OR56B4: variants seen among roughly 807,000 people sequenced by gnomAD.
OR56B4 encodes olfactory receptor 56B4.
For missense variants in OR56B4, 447 were observed against 384.6 expected (o/e 1.16, Z -1.36); for synonymous variants, 142 against 149.5 (o/e 0.95, Z 0.37).
rs759127134 is a variant in OR56B4 at position 6,108,454 on chromosome 11, G to A, written c.676G>A (p.Val226Ile). ...GGCTCTGGTATTTTCTTCCTATGCT[G>A]TAATCCTTCACTCTGTGCTGAGGCT... ...DMALVFSSYA[V>I]ILHSVLRLNS... is the part of the protein sequence containing the mutation. Residue 226 changes from valine to isoleucine, a missense_variant, in exon 1 of 1, where the codon GTA becomes ATA. Coordinates refer to ENST00000316529, the MANE Select transcript of OR56B4 (RefSeq NM_001005181.2). 6.2e-6 allele frequency: 10 copies of A among 1,614,124 alleles called. No homozygotes were observed. The South Asian group carries it at 7.7e-5, about 12-fold the overall frequency.
chr11:6,108,277 A>G lies in OR56B4; in HGVS notation c.499A>G (p.Ile167Val), dbSNP rs374580066. 3.1e-5 allele frequency: 50 copies of G among 1,614,042 alleles called. No individual in the cohort carries two copies. Among genetic ancestry groups the G allele is most frequent in the Non-Finnish European group, 3.9e-5 (46 of 1,180,018 alleles). ...TGGCCTGTTGACCATCCCAGTGCCTATACTGGCTGCCCAGAGACACTACTG... is the reference window on the plus strand; with the variant it reads ...TGGCCTGTTGACCATCCCAGTGCCTGTACTGGCTGCCCAGAGACACTACTG... Reference protein sequence around the residue: ...RNGLLTIPVPILAAQRHYCSR... With the variant: ...RNGLLTIPVPVLAAQRHYCSR... The change falls in exon 1 of 1, where the codon ATA becomes GTA. Residue 167 changes from isoleucine to valine, a missense_variant. Physicochemically the swap from Ile to Val is conservative, Grantham distance 29. Transcript: ENST00000316529.
Position 6,108,286 on chromosome 11 carries a change from G to C in OR56B4, c.508G>C (p.Ala170Pro). 6.2e-7 allele frequency: 1 copy of C among 1,614,132 alleles called. No individual in the cohort carries two copies. The highest frequency in any genetic ancestry group is 8.5e-7 in the Non-Finnish European group (1 of 1,179,988). The stretch of plus-strand genomic sequence containing the variant: ...GACCATCCCAGTGCCTATACTGGCT[G>C]CCCAGAGACACTACTGTTCCAGGAA... ...LLTIPVPILA[A>P]QRHYCSRNEI... Residue 170 changes from alanine (A) to proline (P), a missense_variant, in exon 1 of 1, where the codon GCC becomes CCC. Coordinates refer to ENST00000316529, the MANE Select transcript of OR56B4 (RefSeq NM_001005181.2).
In OR56B4 at chr11:6,108,722, AG is replaced by A; in HGVS notation, c.946del (p.Asp316ThrfsTer15). ...TTTCAGAGACTGCTTGGACTGGGTC[AG>A]GACGTGTCCAAGTAACTCCAGCTTT... Reference protein sequence around the residue: ...LGFQRLLGLGQDVSK With the variant: ...LGFQRLLGLGXDVSK On this transcript the variant is annotated frameshift_variant, in exon 1 of 1. Transcript: ENST00000316529. LOFTEE classifies it high-confidence loss of function. The A allele has an allele frequency of 6.2e-7, 1 of 1,613,900 alleles. No homozygotes were observed. Among genetic ancestry groups the A allele is most frequent in the South Asian group, 1.1e-5 (1 of 91,076 alleles).
Position 6,108,439 on chromosome 11 carries a change from T to A in OR56B4, c.661T>A (p.Phe221Ile), listed in dbSNP as rs140579834. ...VLVGSDMALV[F>I]SSYAVILHSV... The stretch of plus-strand genomic sequence containing the variant: ...GGTTGGGAGTGATATGGCTCTGGTA[T>A]TTTCTTCCTATGCTGTAATCCTTCA... The change falls in exon 1 of 1, where the codon TTT becomes ATT. Residue 221 changes from phenylalanine to isoleucine, a missense_variant. Coordinates refer to ENST00000316529, the MANE Select transcript of OR56B4 (RefSeq NM_001005181.2). 1.2e-4 allele frequency: 195 copies of A among 1,613,982 alleles called. 1 individual carries two copies. The highest frequency in any genetic ancestry group is 1.6e-4 in the Non-Finnish European group (189 of 1,180,022).
In OR56B4 at chr11:6,108,211, G is replaced by A; in HGVS notation, c.433G>A (p.Ala145Thr). ...TCAGTACCCCTCCATAGTCACTAAAGCTTTTGTCTTCAAAGCCACAGGGTT... is the reference window on the plus strand; with the variant it reads ...TCAGTACCCCTCCATAGTCACTAAAACTTTTGTCTTCAAAGCCACAGGGTT... ...PLQYPSIVTK[A>T]FVFKATGFIM... Residue 145 changes from alanine to threonine, a missense_variant, in exon 1 of 1, where the codon GCT becomes ACT. Physicochemically the swap from Ala to Thr is moderately conservative, Grantham distance 58. Transcript: ENST00000316529. 1 of 1,614,154 alleles carries A rather than the reference G, an allele frequency of 6.2e-7. No individual in the cohort carries two copies. Among genetic ancestry groups the A allele is most frequent in the Non-Finnish European group, 8.5e-7 (1 of 1,180,034 alleles).
chr11:6,108,194 C>A lies in OR56B4; in HGVS notation c.416C>A (p.Pro139His). The A allele has an allele frequency of 6.2e-7, 1 of 1,614,078 alleles. No individual in the cohort carries two copies. Among genetic ancestry groups the A allele is most frequent in the South Asian group, 1.1e-5 (1 of 91,076 alleles). ...GCCATCTGTCGCCCTCTTCAGTACC[C>A]CTCCATAGTCACTAAAGCTTTTGTC... is the stretch of plus-strand genomic sequence containing the variant. ...YIAICRPLQY[P>H]SIVTKAFVFK... The change falls in exon 1 of 1, where the codon CCC becomes CAC. Residue 139 changes from proline (P) to histidine (H), a missense_variant. Coordinates refer to ENST00000316529, the MANE Select transcript of OR56B4 (RefSeq NM_001005181.2).
In OR56B4 at chr11:6,108,795, A is replaced by G. The variant is rs763253085; in HGVS notation, c.*57A>G. On this transcript the variant is annotated 3_prime_UTR_variant, in exon 1 of 1. Transcript: ENST00000316529. Reference sequence around the variant, plus strand: ...GAAATGACAGAGGTTTTAGTTCTCAATAGATCAGGGTTATAATCTGCACTT... The same window carrying G: ...GAAATGACAGAGGTTTTAGTTCTCAGTAGATCAGGGTTATAATCTGCACTT... The G allele has an allele frequency of 2.6e-5, 40 of 1,554,888 alleles. No homozygotes were observed. The highest frequency in any genetic ancestry group is 1.0e-4 in the South Asian group (9 of 86,258).
Position 6,108,544 on chromosome 11 carries a change from T to G in OR56B4, c.766T>G (p.Phe256Val). 6.2e-7 allele frequency: 1 copy of G among 1,614,182 alleles called. No homozygotes were observed. The highest frequency in any genetic ancestry group is 8.5e-7 in the Non-Finnish European group (1 of 1,179,998). Residue 256 changes from phenylalanine (F) to valine (V), a missense_variant, in exon 1 of 1, where the codon TTC (phenylalanine) becomes GTC (valine). Physicochemically the swap from Phe to Val is conservative, Grantham distance 50. Coordinates refer to ENST00000316529, the MANE Select transcript of OR56B4 (RefSeq NM_001005181.2). The part of the protein sequence containing the change: ...TCSSHLILIL[F>V]HTGIIVLSVT... ...TAGCTCCCACCTCATCCTCATCCTCTTCCACACAGGTATCATTGTGCTGTC... is the reference window on the plus strand; with the variant it reads ...TAGCTCCCACCTCATCCTCATCCTCGTCCACACAGGTATCATTGTGCTGTC...
Position 6,108,212 on chromosome 11 carries a change from C to A in OR56B4, c.434C>A (p.Ala145Asp), listed in dbSNP as rs1209804927. The change falls in exon 1 of 1, where the codon GCT becomes GAT. Residue 145 changes from alanine (A) to aspartate (D), a missense_variant. By Grantham distance (126) the Ala-to-Asp change is moderately radical. Transcript: ENST00000316529. Reference sequence around the variant, plus strand: ...CAGTACCCCTCCATAGTCACTAAAGCTTTTGTCTTCAAAGCCACAGGGTTC... The same window carrying A: ...CAGTACCCCTCCATAGTCACTAAAGATTTTGTCTTCAAAGCCACAGGGTTC... ...PLQYPSIVTK[A>D]FVFKATGFIM... 1.2e-6 allele frequency: 2 copies of A among 1,614,162 alleles called. No individual in the cohort carries two copies. The highest frequency in any genetic ancestry group is 1.7e-5 in the Admixed American group (1 of 60,024).
chr11:6,108,413 T>A lies in OR56B4; in HGVS notation c.635T>A (p.Leu212Ter). The A allele has an allele frequency of 6.2e-7, 1 of 1,614,126 alleles. No individual in the cohort carries two copies. The highest frequency in any genetic ancestry group is 8.5e-7 in the Non-Finnish European group (1 of 1,180,024). The change falls in exon 1 of 1, where the codon TTG becomes TAG. Residue 212 changes from leucine (L) to a stop codon, truncating the protein, a stop_gained. Coordinates refer to ENST00000316529, the MANE Select transcript of OR56B4 (RefSeq NM_001005181.2). LOFTEE classifies it low-confidence loss of function (END_TRUNC). ...KFYQLMLAWVLVGSDMALVFS... is the reference protein window; with the variant it reads ...KFYQLMLAWV ...TACCAACTGATGCTAGCATGGGTCT[T>A]GGTTGGGAGTGATATGGCTCTGGTA...
rs750692041 is a variant in OR56B4, at chr11:6,108,061, G to A, written c.283G>A (p.Ala95Thr). 3.1e-6 allele frequency: 5 copies of A among 1,614,108 alleles called. No homozygotes were observed. The East Asian group carries it at 1.1e-4, about 36-fold the overall frequency. Residue 95 changes from alanine to threonine, a missense_variant, in exon 1 of 1, where the codon GCC (alanine) becomes ACC (threonine). By Grantham distance (58) the Ala-to-Thr change is moderately conservative. Coordinates refer to ENST00000316529, the MANE Select transcript of OR56B4 (RefSeq NM_001005181.2). ...GATCCTGGCCATCTTCTGGTTTGAT[G>A]CCAAGGCCATTAGCCTCCCCATGTG... ...PKILAIFWFD[A>T]KAISLPMCFA...
Position 6,108,192 on chromosome 11 carries a change from C to G in OR56B4, c.414C>G (p.Tyr138Ter). The change falls in exon 1 of 1, where the codon TAC becomes TAG. Residue 138 changes from tyrosine to a stop codon, truncating the protein, a stop_gained. Coordinates refer to ENST00000316529, the MANE Select transcript of OR56B4 (RefSeq NM_001005181.2). LOFTEE classifies it low-confidence loss of function (END_TRUNC). ...RYIAICRPLQ[Y>*]PSIVTKAFVF... ...TAGCCATCTGTCGCCCTCTTCAGTA[C>G]CCCTCCATAGTCACTAAAGCTTTTG... 6.2e-7 allele frequency: 1 copy of G among 1,614,064 alleles called. No individual in the cohort carries two copies. Among genetic ancestry groups the G allele is most frequent in the Non-Finnish European group, 8.5e-7 (1 of 1,179,944 alleles).
chr11:6,107,902 C>T lies in OR56B4; in HGVS notation c.124C>T (p.Leu42Phe), dbSNP rs772516851. 4 of 1,614,036 alleles carry T rather than the reference C, an allele frequency of 2.5e-6. No individual in the cohort carries two copies. In the Admixed American group the frequency reaches 5.0e-5, roughly 20 times the overall value. ...WLSLPLTLLYLLALGANLLII... is the reference protein window; with the variant it reads ...WLSLPLTLLYFLALGANLLII... ...CTCCCTGCCCCTGACTCTGCTCTAC[C>T]TCTTAGCTCTTGGTGCCAATCTCCT... Residue 42 changes from leucine (L) to phenylalanine (F), a missense_variant, in exon 1 of 1, where the codon CTC becomes TTC. Leu to Phe is a conservative substitution (Grantham distance 22). Coordinates refer to ENST00000316529, the MANE Select transcript of OR56B4 (RefSeq NM_001005181.2).
Position 6,108,133 on chromosome 11 carries a change from G to C in OR56B4, c.355G>C (p.Gly119Arg). The change falls in exon 1 of 1, where the codon GGC becomes CGC. Residue 119 changes from glycine (G) to arginine (R), a missense_variant. Transcript: ENST00000316529. ...AIHCFFCIES[G>R]IFLCMAVDRY... The stretch of plus-strand genomic sequence containing the variant: ...CCACTGCTTCTTCTGCATAGAGTCA[G>C]GCATCTTTCTCTGCATGGCAGTAGA... 6.2e-7 allele frequency: 1 copy of C among 1,614,062 alleles called. No homozygotes were observed. Among genetic ancestry groups the C allele is most frequent in the African/African-American group, 1.3e-5 (1 of 75,028 alleles).
In OR56B4 at chr11:6,108,661, G is replaced by T; in HGVS notation, c.883G>T (p.Ala295Ser). 1.2e-6 allele frequency: 2 copies of T among 1,613,926 alleles called. No individual in the cohort carries two copies. The highest frequency in any genetic ancestry group is 1.7e-6 in the Non-Finnish European group (2 of 1,179,904). ...CATCCCCCCTGCACTCAACCCCCTG[G>T]CCTGTGCACTCAGGATGCACAAACT... ...NVIPPALNPL[A>S]CALRMHKLRL... The change falls in exon 1 of 1, where the codon GCC becomes TCC. Residue 295 changes from alanine to serine, a missense_variant. Transcript: ENST00000316529.
rs2133677751 is a variant in OR56B4, at chr11:6,107,885, C to G, written c.107C>G (p.Pro36Arg). 6.2e-7 allele frequency: 1 copy of G among 1,614,116 alleles called. No homozygotes were observed. The highest frequency in any genetic ancestry group is 2.2e-5 in the East Asian group (1 of 44,882). ...IHEWQHWLSL[P>R]LTLLYLLALG... is the part of the protein sequence containing the mutation. ...GAGTGGCAGCACTGGCTCTCCCTGC[C>G]CCTGACTCTGCTCTACCTCTTAGCT... is the stretch of plus-strand genomic sequence containing the variant. The change falls in exon 1 of 1, where the codon CCC (proline) becomes CGC (arginine). Residue 36 changes from proline to arginine, a missense_variant. Coordinates refer to ENST00000316529, the MANE Select transcript of OR56B4 (RefSeq NM_001005181.2).
rs757438147 is a variant in OR56B4 at position 6,107,959 on chromosome 11, C to T, written c.181C>T (p.Leu61=). 9 of 1,613,838 alleles carry T rather than the reference C, an allele frequency of 5.6e-6. No individual in the cohort carries two copies. The East Asian group carries it at 6.7e-5, about 12-fold the overall frequency. ...AATCACCATTCAACATGAGACCGTG[C>T]TACATGAACCCATGTACCATTTGCT... ...IIITIQHETV[L]HEPMYHLLGI... Residue 61 remains leucine, a synonymous_variant, in exon 1 of 1, where the codon CTA becomes TTA. Transcript: ENST00000316529.
Position 6,108,158 on chromosome 11 carries a change from A to G in OR56B4, c.380A>G (p.Asp127Gly). 2 of 1,614,018 alleles carry G rather than the reference A, an allele frequency of 1.2e-6. No homozygotes were observed. The highest frequency in any genetic ancestry group is 2.2e-5 in the East Asian group (1 of 44,884). Residue 127 changes from aspartate to glycine, a missense_variant, in exon 1 of 1, where the codon GAC (aspartate) becomes GGC (glycine). By Grantham distance (94) the Asp-to-Gly change is moderately conservative. Transcript: ENST00000316529. ...GGCATCTTTCTCTGCATGGCAGTAG[A>G]CAGATACATAGCCATCTGTCGCCCT... The part of the protein sequence containing the change: ...ESGIFLCMAV[D>G]RYIAICRPLQ...
rs1254683302 is a variant in OR56B4, at chr11:6,108,586, G to A, written c.808G>A (p.Glu270Lys). Reference protein sequence around the residue: ...IIVLSVTHLAEKKIPLIPVFL... With the variant: ...IIVLSVTHLAKKKIPLIPVFL... Reference sequence around the variant, plus strand: ...TGTGCTGTCTGTCACACACCTTGCAGAGAAAAAGATTCCCCTTATTCCTGT... The same window carrying A: ...TGTGCTGTCTGTCACACACCTTGCAAAGAAAAAGATTCCCCTTATTCCTGT... Residue 270 changes from glutamate to lysine, a missense_variant, in exon 1 of 1, where the codon GAG becomes AAG. Glu to Lys is a moderately conservative substitution (Grantham distance 56). Coordinates refer to ENST00000316529, the MANE Select transcript of OR56B4 (RefSeq NM_001005181.2). The A allele has an allele frequency of 6.2e-7, 1 of 1,614,090 alleles. No individual in the cohort carries two copies. Among genetic ancestry groups the A allele is most frequent in the South Asian group, 1.1e-5 (1 of 91,076 alleles).
Sources: allele counts gnomAD v4.1 joint callset, GRCh38; gene constraint gnomAD v4.1.1; transcripts MANE v1.5; gene names NCBI Gene and HGNC (gene_info 2026-07-23, HGNC 2026-07-21).